Variants in ABCA13 observed in about 807,000 individuals in gnomAD.
ABCA13 encodes ATP binding cassette subfamily A member 13, also known as ATP-binding cassette sub-family A member 13.
ABCA13 carries 476 observed loss-of-function variants against 478.7 expected under a neutral mutation model. That is an observed-to-expected ratio of 0.99 (90% CI 0.92 to 1.07). The LOEUF (loss-of-function observed/expected upper bound fraction) is 1.07, where lower values mean the gene tolerates loss of function less well. ABCA13 is among the 50% of genes least tolerant of loss of function. The pLI is 0.00. For synonymous variants in ABCA13, 2,252 were observed against 2,158.9 expected, an observed-to-expected ratio of 1.04 and a Z score of -1.20; for missense variants, 6,060 against 5,910.6, an observed-to-expected ratio of 1.03 and a Z score of -0.83.
intron 47 of ABCA13, among the ~76,000 whole-genome samples, chr7:48,487,976 T>C (rs1352903825): frequency 1.3e-5 from 2 of 152,212 alleles, no homozygotes; most frequent in African/African-American, 4.8e-5. Context: ...CTGTAGTTTT[T>C]TTGTTTGTTT....
intron 53 of ABCA13, among the ~76,000 whole-genome samples, chr7:48,521,604 T>C (rs1321564105): frequency 6.6e-6 from 1 of 152,140 alleles, no homozygotes; most frequent in Admixed American, 6.5e-5. Context: ...CCTTACTAGT[T>C]TAGTCTATTT....
intron 33 of ABCA13, 50 bp from the exon 34 acceptor site, chr7:48,374,297 T>G: frequency 2.0e-6 from 3 of 1,530,420 alleles, no homozygotes; most frequent in Non-Finnish European, 2.7e-6. Flanking sequence ...TTTTCTGTGG[T>G]CCCAATCAAA....
At chr7:48,249,668 G>A (rs552932868) in intron 15 of ABCA13, among the ~76,000 whole-genome samples, 4 of 152,142 alleles carry the variant, frequency 2.6e-5, no homozygotes, top group African/African-American at 9.7e-5. Context: ...ACTCACAAGA[G>A]TCCAGATTTT....
At chr7:48,390,385 C>G (rs1427882618) in intron 37 of ABCA13, among the ~76,000 whole-genome samples, 1 of 152,126 alleles carries the variant, frequency 6.6e-6, no homozygotes, top group Non-Finnish European at 1.5e-5. Context: ...AAACAACAGT[C>G]TTTGAGACTT....
chr7:48,271,566 T>C (rs1795614525), intron 16 of ABCA13, among the ~76,000 whole-genome samples: 1 of 152,172 alleles, frequency 6.6e-6, no homozygotes, highest in South Asian at 2.1e-4. Flanking sequence ...TGCTTTCTTT[T>C]TGGTGGTAGG....
intron 32 of ABCA13, among the ~76,000 whole-genome samples, chr7:48,368,600 C>G (rs1459034481): frequency 6.6e-6 from 1 of 150,912 alleles, no homozygotes; most frequent in Admixed American, 6.6e-5. Context: ...GAATAATAGT[C>G]TCTAATTCCA....
rs780784725 is a variant in ABCA13 at position 48,365,714 on chromosome 7, A to C, written c.10689-2080A>C. Among the ~76,000 whole-genome samples, 65 of 152,248 alleles carry C rather than the reference A, an allele frequency of 4.3e-4. 1 individual carries two copies. Among genetic ancestry groups the C allele is most frequent in the Admixed American group, 3.3e-3 (50 of 15,280 alleles). ...TATGAACTTGGAGCCTTTGTTGAAA[A>C]TGTGTTGGCTACAAATGTGTGGGTT... is the stretch of plus-strand genomic sequence containing the variant. On this transcript the variant is annotated intron_variant, in intron 31 of 61. Coordinates refer to ENST00000435803, the MANE Select transcript of ABCA13 (RefSeq NM_152701.5).
Position 48,483,101 on chromosome 7 carries a change from A to C in ABCA13, c.13120A>C (p.Lys4374Gln). The C allele has an allele frequency of 6.2e-7, 1 of 1,613,136 alleles. No individual in the cohort carries two copies. The highest frequency in any genetic ancestry group is 8.5e-7 in the Non-Finnish European group (1 of 1,179,568). The part of the protein sequence containing the change: ...PRLGGWSFGL[K>Q]IPSEAGGANG... ...GCTTGGAGGTTGGTCTTTTGGATTA[A>C]AAATCCCCAGTGAAGCTGGAGGTGC... Residue 4374 changes from lysine to glutamine, a missense_variant, in exon 47 of 62, where the codon AAA becomes CAA. Around this residue, in one of 3 missense-constraint regions of ABCA13, gnomAD observed 1,627 missense variants for 1,571.0 expected, o/e 1.04. Transcript: ENST00000435803.
intron 59 of ABCA13, among the ~76,000 whole-genome samples, chr7:48,621,602 C>T (rs1793140678): frequency 6.6e-6 from 1 of 152,164 alleles, no homozygotes; most frequent in African/African-American, 2.4e-5. Context: ...GTCCTATGCT[C>T]TTCTCAAGCT....
At chr7:48,477,122 T>TG (rs762090817) in intron 45 of ABCA13, among the ~76,000 whole-genome samples, 12 of 151,966 alleles carry the variant, frequency 7.9e-5, no homozygotes, top group Admixed American at 2.0e-4. Context: ...GATATTTTGG[T>TG]GGGGGGGCGG....
At chr7:48,362,898 A>T (rs574483112) in intron 31 of ABCA13, among the ~76,000 whole-genome samples, 1 of 152,260 alleles carries the variant, frequency 6.6e-6, no homozygotes, top group East Asian at 1.9e-4. Flanking sequence ...AAAAAATAGT[A>T]TTTGAGTTTG....
chr7:48,501,552 G>A (rs905552049), intron 48 of ABCA13, among the ~76,000 whole-genome samples: 12 of 152,148 alleles, frequency 7.9e-5, no homozygotes, highest in African/African-American at 2.4e-4. Flanking sequence ...AATTATTTAT[G>A]AGTAAGGGAC....
intron 42 of ABCA13, among the ~76,000 whole-genome samples, chr7:48,430,404 G>A (rs563290901): frequency 2.6e-5 from 4 of 152,088 alleles, no homozygotes; most frequent in African/African-American, 7.2e-5. Flanking sequence ...TGTCAGGCGT[G>A]GTGGCTCACG....
intron 56 of ABCA13, among the ~76,000 whole-genome samples, chr7:48,585,891 C>T (rs1307910026): frequency 6.6e-6 from 1 of 151,984 alleles, no homozygotes; most frequent in Non-Finnish European, 1.5e-5. Flanking sequence ...AAAAAAATTG[C>T]TTACCTTGGA....
intron 38 of ABCA13, among the ~76,000 whole-genome samples, chr7:48,397,524 G>A (rs894925290): frequency 9.9e-5 from 15 of 151,854 alleles, no homozygotes; most frequent in African/African-American, 2.9e-4. Context: ...CAGGGGTCAG[G>A]GTCTGAAAGG....
intron 31 of ABCA13, among the ~76,000 whole-genome samples, chr7:48,358,919 A>C (rs2128999899): frequency 6.6e-6 from 1 of 152,022 alleles, no homozygotes; most frequent in South Asian, 2.1e-4. Flanking sequence ...CTCACCTTCT[A>C]AGTTTATCCG....
chr7:48,349,883 T>C (rs184130096), intron 29 of ABCA13, among the ~76,000 whole-genome samples: 155 of 152,362 alleles, frequency 1.0e-3, no homozygotes, highest in African/African-American at 3.6e-3. Flanking sequence ...GGGCCAGGGA[T>C]AGACTGTTGT....
intron 59 of ABCA13, among the ~76,000 whole-genome samples, chr7:48,621,595 C>T (rs1793140118): frequency 6.6e-6 from 1 of 152,104 alleles, no homozygotes; most frequent in Admixed American, 6.5e-5. Flanking sequence ...AGTTGGTGTC[C>T]TATGCTCTTC....
chr7:48,644,108 T>C (rs950266948), intron 60 of ABCA13, among the ~76,000 whole-genome samples: 1 of 152,310 alleles, frequency 6.6e-6, no homozygotes, highest in African/African-American at 2.4e-5. Flanking sequence ...AAGCATGCTG[T>C]GTGAGACTGT....
Sources: gnomAD v4.1 joint callset for allele counts (sites outside exome capture counted in the v4.1 genomes callset) on GRCh38, gnomAD v4.1.1 for gene constraint, gnomAD v4.1.1 regional missense constraint, MANE v1.5 for transcripts, NCBI Gene and HGNC (gene_info 2026-07-23, HGNC 2026-07-21) for gene names.